The following TDRD3 variants were observed in gnomAD, a reference collection of about 807,000 sequenced individuals.
The protein encoded by TDRD3 is tudor domain-containing protein 3.
In TDRD3, 45 loss-of-function variants were observed where a neutral mutation model predicts 86.7. That is an observed-to-expected ratio of 0.52 (90% CI 0.41 to 0.67). The LOEUF is 0.67. Ranked by LOEUF, TDRD3 falls within the 30% of genes least tolerant of loss-of-function variation. The pLI is 0.00. For missense variants in TDRD3, 814 were observed against 889.0 expected, an observed-to-expected ratio of 0.92 and a Z score of 1.07; for synonymous variants, 298 against 301.7, an observed-to-expected ratio of 0.99 and a Z score of 0.13.
chr13:60,493,700 A>G (rs531988515), intron 7 of TDRD3, among the ~76,000 whole-genome samples: 2 of 152,256 alleles, frequency 1.3e-5, no homozygotes, highest in East Asian at 3.9e-4. Flanking sequence ...TTGTTTAACC[A>G]AATGTTTCAT....
At chr13:60,425,170 T>G (rs911220263) in intron 1 of TDRD3, among the ~76,000 whole-genome samples, 3 of 152,124 alleles carry the variant, frequency 2.0e-5, no homozygotes, top group Non-Finnish European at 4.4e-5. Context: ...CAGAATACAT[T>G]AAAAATAATT....
rs185841284 is a variant in TDRD3 at position 60,419,833 on chromosome 13, G to A, written c.42-19855G>A. 2.6e-3 allele frequency among the ~76,000 whole-genome samples: 392 copies of A among 151,738 alleles called. 4 individuals are homozygous for A. The highest frequency in any genetic ancestry group is 8.7e-3 in the African/African-American group (359 of 41,388). The stretch of plus-strand genomic sequence containing the variant: ...AAGAATAGATGGATGAAAGCAGAAA[G>A]GAAGAAAAGGAATAATCTAAAGTAA... On this transcript the variant is annotated intron_variant, in intron 1 of 13. Transcript: ENST00000377881.
At chr13:60,516,750 C>T (rs928424319) in intron 10 of TDRD3, among the ~76,000 whole-genome samples, 1 of 152,170 alleles carries the variant, frequency 6.6e-6, no homozygotes, top group African/African-American at 2.4e-5. Flanking sequence ...GCAGCAGATG[C>T]AACAGCATCC....
At chr13:60,523,217 A>G (rs1182659880) in intron 10 of TDRD3, among the ~76,000 whole-genome samples, 1 of 152,180 alleles carries the variant, frequency 6.6e-6, no homozygotes, top group Non-Finnish European at 1.5e-5. Context: ...CTACTACAAA[A>G]TGCAGGTACA....
intron 2 of TDRD3, among the ~76,000 whole-genome samples, chr13:60,441,051 C>A (rs1955253091): frequency 6.6e-6 from 1 of 151,924 alleles, no homozygotes; most frequent in East Asian, 1.9e-4. Flanking sequence ...CAAGTAAGAT[C>A]ATTTTATTTT....
At chr13:60,396,651 G>C (rs1434545131), upstream of TDRD3, 1 of 153,596 alleles carries the variant, frequency 6.5e-6, no homozygotes, top group East Asian at 1.9e-4. Context: ...CTAAAAGCAG[G>C]TTTTCTTGGG....
Position 60,567,510 on chromosome 13 carries a change from A to G in TDRD3, c.2119-15A>G. The G allele has an allele frequency of 1.9e-6, 3 of 1,613,832 alleles. No individual in the cohort carries two copies. Among genetic ancestry groups the G allele is most frequent in the Non-Finnish European group, 2.5e-6 (3 of 1,179,958 alleles). On this transcript the variant is annotated splice_polypyrimidine_tract_variant and intron_variant, in intron 12 of 13. Transcript: ENST00000377881. Reference sequence around the variant, plus strand: ...GCCATTTTGAACATGTAAAATCACTACTCTTTGCAAATAGGAGGAAGAAGG... The same window carrying G: ...GCCATTTTGAACATGTAAAATCACTGCTCTTTGCAAATAGGAGGAAGAAGG...
chr13:60,531,173 C>G (rs1957575289), intron 11 of TDRD3, among the ~76,000 whole-genome samples: 1 of 152,130 alleles, frequency 6.6e-6, no homozygotes, highest in East Asian at 1.9e-4. Flanking sequence ...AAAAGCCTTC[C>G]CAGGAATACC....
intron 8 of TDRD3, among the ~76,000 whole-genome samples, chr13:60,501,821 A>G (rs555699282): frequency 2.0e-5 from 3 of 152,300 alleles, no homozygotes; most frequent in Non-Finnish European, 4.4e-5. Flanking sequence ...CCTTATTTGC[A>G]TAGCCAGGGT....
At chr13:60,554,314 C>A (rs1339007433) in intron 12 of TDRD3, among the ~76,000 whole-genome samples, 1 of 152,192 alleles carries the variant, frequency 6.6e-6, no homozygotes, top group Non-Finnish European at 1.5e-5. Context: ...TTGTATCATG[C>A]ATTTTGTACT....
At chr13:60,542,518 T>C (rs1957840500) in intron 12 of TDRD3, among the ~76,000 whole-genome samples, 1 of 152,184 alleles carries the variant, frequency 6.6e-6, no homozygotes, top group South Asian at 2.1e-4. Flanking sequence ...AGCAGAAAAA[T>C]AATATTGCTC....
At chr13:60,558,666 C>T (rs1958258156) in intron 12 of TDRD3, among the ~76,000 whole-genome samples, 1 of 152,092 alleles carries the variant, frequency 6.6e-6, no homozygotes, top group South Asian at 2.1e-4. Context: ...TCTTAAAATA[C>T]TCAGACTTTA....
At chr13:60,459,359 G>T (rs900552507) in intron 3 of TDRD3, among the ~76,000 whole-genome samples, 1 of 152,122 alleles carries the variant, frequency 6.6e-6, no homozygotes, top group African/African-American at 2.4e-5. Flanking sequence ...TTTCAGACAC[G>T]TAAGCAGATT....
At chr13:60,515,264 G>T (rs149268499) in intron 10 of TDRD3, among the ~76,000 whole-genome samples, 2 of 152,086 alleles carry the variant, frequency 1.3e-5, no homozygotes, top group East Asian at 1.9e-4. Context: ...CCATTGTTTC[G>T]AATGGCTACT....
chr13:60,469,340 T>C (rs1233212924), intron 5 of TDRD3, among the ~76,000 whole-genome samples: 1 of 151,992 alleles, frequency 6.6e-6, no homozygotes. Context: ...TAATACCTTA[T>C]ATAATTTTCC....
At chr13:60,489,674 A>C (rs1239512146) in intron 7 of TDRD3, among the ~76,000 whole-genome samples, 3 of 152,208 alleles carry the variant, frequency 2.0e-5, no homozygotes, top group African/African-American at 4.8e-5. Context: ...CTCTTGCTCA[A>C]AGCTCTCAGT....
intron 8 of TDRD3, 33 bp downstream of exon 8, chr13:60,494,608 T>G (rs757368539): frequency 4.4e-6 from 7 of 1,590,662 alleles, no homozygotes; most frequent in Non-Finnish European, 4.3e-6. Flanking sequence ...AAATTTAAAG[T>G]GTTATTTCTT....
At chr13:60,431,369 G>A (rs972659118) in intron 1 of TDRD3, among the ~76,000 whole-genome samples, 2 of 151,768 alleles carry the variant, frequency 1.3e-5, no homozygotes, top group African/African-American at 4.8e-5. Context: ...TAAAGGAAGT[G>A]CTTAACAAAA....
chr13:60,490,564 G>A (rs567332163), intron 7 of TDRD3, among the ~76,000 whole-genome samples: 21 of 152,158 alleles, frequency 1.4e-4, no homozygotes, highest in Non-Finnish European at 3.1e-4. Flanking sequence ...AATGTTTTGA[G>A]CACAGCAATA....
Sources: allele counts gnomAD v4.1 joint callset (sites outside exome capture counted in the v4.1 genomes callset), GRCh38; gene constraint gnomAD v4.1.1; transcripts MANE v1.5; gene names NCBI Gene and HGNC (gene_info 2026-07-23, HGNC 2026-07-21).